The following UNC5D variants were observed in gnomAD, a reference collection of about 807,000 sequenced individuals.
The protein encoded by UNC5D is netrin receptor UNC5D.
UNC5D carries 39 observed loss-of-function variants against 105.4 expected under a neutral mutation model. The ratio of observed to expected loss-of-function variants is 0.37; its 90% CI spans 0.29 to 0.48. The LOEUF is 0.48. Among genes scored for constraint, UNC5D ranks in the 20% least tolerant of loss-of-function variants. The pLI, the probability that UNC5D is intolerant of heterozygous loss-of-function variation, is 0.98. For synonymous variants in UNC5D, 452 were observed against 450.4 expected (o/e 1.00, Z -0.04); for missense variants, 991 against 1,202.4 (o/e 0.82, Z 2.60).
intron 1 of UNC5D, among the ~76,000 whole-genome samples, chr8:35,524,413 G>T (rs983739150): frequency 1.3e-5 from 2 of 148,602 alleles, no homozygotes; most frequent in Non-Finnish European, 3.0e-5. Context: ...TACAAAGTTC[G>T]CAGCAAGAAT....
At chr8:35,604,509 A>C (rs565812545) in intron 4 of UNC5D, among the ~76,000 whole-genome samples, 1 of 152,024 alleles carries the variant, frequency 6.6e-6, no homozygotes, top group African/African-American at 2.4e-5. Context: ...GGTGAATCTG[A>C]CAATTGTGTG....
intron 1 of UNC5D, among the ~76,000 whole-genome samples, chr8:35,276,258 C>G (rs1159282618): frequency 6.6e-6 from 1 of 152,076 alleles, no homozygotes; most frequent in African/African-American, 2.4e-5. Context: ...TATAATAGAT[C>G]AAAGTTTATA....
intron 1 of UNC5D, among the ~76,000 whole-genome samples, chr8:35,491,345 T>C (rs1199659191): frequency 6.6e-6 from 1 of 152,178 alleles, no homozygotes; most frequent in Non-Finnish European, 1.5e-5. Context: ...ATATTGGCAA[T>C]TAATGTAATG....
chr8:35,736,761 G>A (rs1349655862), intron 11 of UNC5D, among the ~76,000 whole-genome samples: 1 of 152,162 alleles, frequency 6.6e-6, no homozygotes, highest in African/African-American at 2.4e-5. Context: ...AAGGCACAGA[G>A]GTATAAATAG....
At chr8:35,252,741 G>GTATA (rs955190032) in intron 1 of UNC5D, among the ~76,000 whole-genome samples, 57 of 152,192 alleles carry the variant, frequency 3.7e-4, no homozygotes, top group African/African-American at 1.3e-3. Context: ...GTGTCTAATG[G>GTATA]TATACACTTT....
chr8:35,349,849 C>G (rs1812075160), intron 1 of UNC5D, among the ~76,000 whole-genome samples: 1 of 151,988 alleles, frequency 6.6e-6, no homozygotes, highest in Non-Finnish European at 1.5e-5. Flanking sequence ...TTAATGTCAT[C>G]AAGGACTTGA....
intron 1 of UNC5D, among the ~76,000 whole-genome samples, chr8:35,351,848 G>C (rs10086433): frequency 0.45 from 68,570 of 151,722 alleles, 15,789 homozygotes; most frequent in East Asian, 0.7. Context: ...ATTAACAAAG[G>C]GTTAAAAGTT....
intron 4 of UNC5D, among the ~76,000 whole-genome samples, chr8:35,608,870 A>G (rs1820491805): frequency 6.6e-6 from 1 of 152,200 alleles, no homozygotes; most frequent in Non-Finnish European, 1.5e-5. Flanking sequence ...GTAGTGCAAT[A>G]AGTATGTGAG....
At chr8:35,624,534 C>T (rs1821581747) in intron 4 of UNC5D, among the ~76,000 whole-genome samples, 1 of 152,228 alleles carries the variant, frequency 6.6e-6, no homozygotes, top group Non-Finnish European at 1.5e-5. Context: ...CCAAACCCTA[C>T]TTCTGACAAT....
At chr8:35,381,026 A>C (rs1803012327) in intron 1 of UNC5D, among the ~76,000 whole-genome samples, 2 of 141,512 alleles carry the variant, frequency 1.4e-5, no homozygotes, top group African/African-American at 5.0e-5. Flanking sequence ...GCAGGGAGGG[A>C]GGGAGGGAGA....
chr8:35,271,363 G>GTGCATGTGTGTATGTATATGTACACACA (rs1563267307), intron 1 of UNC5D, among the ~76,000 whole-genome samples: 2 of 99,700 alleles, frequency 2.0e-5, no homozygotes, highest in East Asian at 3.5e-4. Flanking sequence ...GCATACACAC[G>GTGCATGTGTGTATGTATATGTACACACA]TGCACGTGTG....
intron 1 of UNC5D, among the ~76,000 whole-genome samples, chr8:35,247,057 T>C (rs2128806387): frequency 6.6e-6 from 1 of 152,134 alleles, no homozygotes. Flanking sequence ...TTTCCGTCCG[T>C]CCCTGCCCAT....
At chr8:35,579,134 A>G (rs1340237748) in intron 3 of UNC5D, among the ~76,000 whole-genome samples, 1 of 152,034 alleles carries the variant, frequency 6.6e-6, no homozygotes, top group Non-Finnish European at 1.5e-5. Context: ...CTTCCAACAG[A>G]TAATACAAAC....
chr8:35,485,596 G>A (rs1253095439), intron 1 of UNC5D, among the ~76,000 whole-genome samples: 2 of 152,054 alleles, frequency 1.3e-5, no homozygotes, highest in African/African-American at 2.4e-5. Flanking sequence ...TTGCTGCTTC[G>A]TGGCACAACT....
chr8:35,473,192 G>T (rs1465713657), intron 1 of UNC5D, among the ~76,000 whole-genome samples: 1 of 152,190 alleles, frequency 6.6e-6, no homozygotes, highest in Non-Finnish European at 1.5e-5. Context: ...AGATGGTGTA[G>T]TATTTGGAAA....
chr8:35,518,234 C>G (rs1326626953), intron 1 of UNC5D, among the ~76,000 whole-genome samples: 2 of 152,150 alleles, frequency 1.3e-5, no homozygotes, highest in East Asian at 3.8e-4. Flanking sequence ...TTATTGATAA[C>G]ATTAAAGTGC....
chr8:35,701,462 G>A (rs1372394217), intron 7 of UNC5D, among the ~76,000 whole-genome samples: 1 of 152,122 alleles, frequency 6.6e-6, no homozygotes, highest in Admixed American at 6.5e-5. Context: ...TCTAGTAGAG[G>A]CTGGATATGT....
At chr8:35,769,358 G>A (rs1246333585) in intron 15 of UNC5D, among the ~76,000 whole-genome samples, 1 of 152,156 alleles carries the variant, frequency 6.6e-6, no homozygotes, top group African/African-American at 2.4e-5. Flanking sequence ...AGCCTTAACT[G>A]TGGGCCTTCT....
intron 1 of UNC5D, among the ~76,000 whole-genome samples, chr8:35,388,046 C>A (rs770673206): frequency 8.6e-5 from 13 of 151,890 alleles, no homozygotes; most frequent in Non-Finnish European, 1.6e-4. Flanking sequence ...GAGGAATTTC[C>A]TTAAGACCTG....
Sources: gnomAD v4.1 joint callset for allele counts (sites outside exome capture counted in the v4.1 genomes callset) on GRCh38, gnomAD v4.1.1 for gene constraint, MANE v1.5 for transcripts, NCBI Gene and HGNC (gene_info 2026-07-23, HGNC 2026-07-21) for gene names.